The following RAD51AP1 variants were observed in gnomAD, a reference collection of about 807,000 sequenced individuals.
RAD51AP1 encodes RAD51 associated protein 1, also known as RAD51-associated protein 1.
Under a neutral mutation model 34.3 loss-of-function variants are expected in RAD51AP1, and 14 were observed. That is an observed-to-expected ratio of 0.41 (90% CI 0.27 to 0.64). The LOEUF (loss-of-function observed/expected upper bound fraction) is 0.64, where lower values mean the gene tolerates loss of function less well. RAD51AP1 is among the 30% of genes least tolerant of loss of function. The pLI is 0.33. For synonymous variants in RAD51AP1, 114 were observed against 129.8 expected (o/e 0.88, Z 0.83); for missense variants, 348 against 386.9 (o/e 0.90, Z 0.84).
intron 1 of RAD51AP1, 73 bp from the exon 2 acceptor site, chr12:4,541,811 C>A: frequency 1.7e-6 from 1 of 583,056 alleles, no homozygotes; most frequent in South Asian, 4.1e-5. Flanking sequence ...AAATAATATT[C>A]ATTAATAGCC....
chr12:4,556,329 T>A (rs1210466928), intron 7 of RAD51AP1, 24 bp from the exon 8 acceptor site: 6 of 1,575,686 alleles, frequency 3.8e-6, no homozygotes, highest in Non-Finnish European at 5.2e-6. Context: ...TGACAAACAT[T>A]TTTACGTATA....
At chr12:4,543,059 CTT>C (rs138088456) in intron 2 of RAD51AP1, among the ~76,000 whole-genome samples, 1 of 151,776 alleles carries the variant, frequency 6.6e-6, no homozygotes, top group East Asian at 1.9e-4. Flanking sequence ...AGGTAATGGG[CTT>C]TTTTTTCTCT....
At chr12:4,554,586 A>T (rs1296471692) in intron 7 of RAD51AP1, among the ~76,000 whole-genome samples, 2 of 152,250 alleles carry the variant, frequency 1.3e-5, no homozygotes, top group Non-Finnish European at 2.9e-5. Context: ...AACTAAAAAT[A>T]AAACTTCAGT....
At chr12:4,544,721 C>T (rs11611116) in intron 3 of RAD51AP1, among the ~76,000 whole-genome samples, 1 of 152,058 alleles carries the variant, frequency 6.6e-6, no homozygotes. Context: ...ATACACAGAA[C>T]TCGTAAAACT....
At position 4,559,810 on chromosome 12, in the gene RAD51AP1, A is replaced by G. The variant is rs745657500; in HGVS notation, c.*817A>G. 11 of 152,356 alleles carry G rather than the reference A, an allele frequency of 7.2e-5. No individual in the cohort carries two copies. Among genetic ancestry groups the G allele is most frequent in the African/African-American group, 9.6e-5 (4 of 41,594 alleles). The allele number at this position is 152,356 out of a possible 1,614,324, so 9.4% of individuals were successfully genotyped here. A position where few individuals can be genotyped will look rare whatever the true frequency, so the allele number is the denominator to read the frequency against. On this transcript the variant is annotated 3_prime_UTR_variant, in exon 9 of 9. Coordinates refer to ENST00000352618, the MANE Select transcript of RAD51AP1 (RefSeq NM_006479.5). The stretch of plus-strand genomic sequence containing the variant: ...AGTCATCCCTATTATGATATGAGAT[A>G]GTACAGCTTTTCAGGAAGCTTAGAT...
chr12:4,549,369 C>T (rs1944529817), intron 6 of RAD51AP1, among the ~76,000 whole-genome samples: 1 of 152,084 alleles, frequency 6.6e-6, no homozygotes, highest in African/African-American at 2.4e-5. Context: ...AACATTATAA[C>T]ATATTAATTA....
rs1167456036 is a variant in RAD51AP1, at chr12:4,551,868, C to A, written c.557-1115C>A. Among the ~76,000 whole-genome samples, 5 of 151,768 alleles carry A rather than the reference C, an allele frequency of 3.3e-5. No homozygotes were observed. The East Asian group carries it at 7.7e-4, about 23-fold the overall frequency. ...AGCGAGATAGATGAAACAAATGGAG[C>A]AAAATGTTGATAATTGTTGAATCTG... On this transcript the variant is annotated intron_variant, in intron 6 of 8. Transcript: ENST00000352618.
At chr12:4,553,550 A>C (rs1944561939) in intron 7 of RAD51AP1, among the ~76,000 whole-genome samples, 1 of 152,210 alleles carries the variant, frequency 6.6e-6, no homozygotes, top group East Asian at 1.9e-4. Context: ...TCTCCAGACA[A>C]AACAAGGAAG....
At chr12:4,543,163 C>T (rs548020029) in intron 2 of RAD51AP1, among the ~76,000 whole-genome samples, 2 of 152,236 alleles carry the variant, frequency 1.3e-5, no homozygotes, top group East Asian at 3.9e-4. Flanking sequence ...CAGGTTCAAG[C>T]GATTCTCCCA....
intron 2 of RAD51AP1, 92 bp from the exon 3 acceptor site, chr12:4,543,671 C>T (rs1430600838): frequency 1.3e-6 from 1 of 776,334 alleles, no homozygotes; most frequent in South Asian, 3.0e-5. Context: ...AACAATTTGC[C>T]TAGCCTATAA....
At chr12:4,546,067 A>C (rs1355820187) in intron 3 of RAD51AP1, among the ~76,000 whole-genome samples, 3 of 152,146 alleles carry the variant, frequency 2.0e-5, no homozygotes, top group Non-Finnish European at 4.4e-5. Flanking sequence ...ATGAAAGGGA[A>C]CAGTCATTGC....
At chr12:4,548,610 A>G (rs1204897184) in intron 5 of RAD51AP1, 77 bp from the exon 6 acceptor site, 5 of 1,488,522 alleles carry the variant, frequency 3.4e-6, no homozygotes, top group African/African-American at 1.4e-5. Flanking sequence ...AATAGCTGTA[A>G]TAGAGTCTGG....
At chr12:4,555,593 G>T (rs1040999632) in intron 7 of RAD51AP1, among the ~76,000 whole-genome samples, 23 of 152,158 alleles carry the variant, frequency 1.5e-4, no homozygotes, top group African/African-American at 5.1e-4. Context: ...CTACCCTTGA[G>T]ATTTCTGCTC....
chr12:4,553,181 G>A, intron 7 of RAD51AP1, 34 bp downstream of exon 7: 1 of 1,431,256 alleles, frequency 7.0e-7, no homozygotes, highest in Non-Finnish European at 9.3e-7. Flanking sequence ...ATTTTATAAA[G>A]GAAATGTATG....
Position 4,553,068 on chromosome 12 carries a change from A to C in RAD51AP1, c.642A>C (p.Glu214Asp). 6.2e-7 allele frequency: 1 copy of C among 1,606,872 alleles called. No homozygotes were observed. The highest frequency in any genetic ancestry group is 8.5e-7 in the Non-Finnish European group (1 of 1,176,936). Residue 214 changes from glutamate (E) to aspartate (D), a missense_variant, in exon 7 of 9, where the codon GAA (glutamate) becomes GAC (aspartate). Coordinates refer to ENST00000352618, the MANE Select transcript of RAD51AP1 (RefSeq NM_006479.5). ...DFSMRKSKVK[E>D]IKKKEVKVKS... ...CTATGAGAAAAAGTAAAGTTAAAGAAATTAAAAAGAAAGAAGTGAAGGTAA... is the reference window on the plus strand; with the variant it reads ...CTATGAGAAAAAGTAAAGTTAAAGACATTAAAAAGAAAGAAGTGAAGGTAA...
intron 1 of RAD51AP1, among the ~76,000 whole-genome samples, chr12:4,539,404 C>T (rs2240767): frequency 5.0e-4 from 76 of 152,144 alleles, no homozygotes; most frequent in Non-Finnish European, 9.6e-4. Flanking sequence ...CACTCAAGAT[C>T]CTCTGTGCTT....
chr12:4,546,813 TATTA>T (rs1414920262), intron 4 of RAD51AP1, among the ~76,000 whole-genome samples: 1 of 152,166 alleles, frequency 6.6e-6, no homozygotes, highest in Non-Finnish European at 1.5e-5. Flanking sequence ...AGGTCAAAGG[TATTA>T]ATTTGGTTAG....
chr12:4,544,840 T>C (rs972108076), intron 3 of RAD51AP1, among the ~76,000 whole-genome samples: 1 of 152,168 alleles, frequency 6.6e-6, no homozygotes, highest in Non-Finnish European at 1.5e-5. Flanking sequence ...AGATGCTCAA[T>C]ATCATTAGCT....
intron 4 of RAD51AP1, among the ~76,000 whole-genome samples, chr12:4,547,777 G>A (rs1174499913): frequency 3.9e-5 from 6 of 152,132 alleles, no homozygotes; most frequent in Admixed American, 3.9e-4. Flanking sequence ...TCCACATTTG[G>A]TCTTCTGTAA....
Sources: allele counts gnomAD v4.1 joint callset (sites outside exome capture counted in the v4.1 genomes callset), GRCh38; gene constraint gnomAD v4.1.1; transcripts MANE v1.5; gene names NCBI Gene and HGNC (gene_info 2026-07-23, HGNC 2026-07-21).